HNF1A: variants seen among roughly 807,000 people sequenced by gnomAD.
HNF1A encodes the protein hepatocyte nuclear factor 1-alpha.
In HNF1A, 21 loss-of-function variants were observed where a neutral mutation model predicts 62.2. That is an observed-to-expected ratio of 0.34 (90% confidence interval 0.24 to 0.49). HNF1A has a LOEUF of 0.49. Among genes scored for constraint, HNF1A ranks in the 20% least tolerant of loss-of-function variants. HNF1A has a pLI of 0.99. For missense variants in HNF1A, 687 were observed against 832.3 expected, an observed-to-expected ratio of 0.83 and a Z score of 2.15; for synonymous variants, 374 against 366.8, an observed-to-expected ratio of 1.02 and a Z score of -0.22.
intron 9 of HNF1A, among the ~76,000 whole-genome samples, chr12:120,999,995 C>T (rs991829820): frequency 3.3e-5 from 5 of 152,178 alleles, no homozygotes; most frequent in African/African-American, 1.2e-4. Context: ...AATTTGTTGC[C>T]AACATTTCAA....
chr12:120,991,032 T>C (rs1201082410), intron 2 of HNF1A, among the ~76,000 whole-genome samples: 1 of 152,224 alleles, frequency 6.6e-6, no homozygotes, highest in African/African-American at 2.4e-5. Flanking sequence ...TAAGGGCTGC[T>C]GGCTGTTATT....
chr12:120,984,945 C>CT (rs34738791), intron 1 of HNF1A, among the ~76,000 whole-genome samples: 79,131 of 130,634 alleles, frequency 0.61, 24,323 homozygotes, highest in African/African-American at 0.66. Flanking sequence ...AGTTCTCAGA[C>CT]TTTTTTTTTT....
chr12:121,000,867 C>T (rs1282039577), intron 9 of HNF1A, 198 bp from the exon 10 acceptor site: 2 of 677,008 alleles, frequency 3.0e-6, no homozygotes, highest in South Asian at 3.4e-5. Flanking sequence ...TCAGGCCACT[C>T]CATGGGCGGC....
chr12:120,997,379 G>A, intron 6 of HNF1A, 95 bp from the exon 7 acceptor site: 2 of 1,406,202 alleles, frequency 1.4e-6, no homozygotes, highest in Non-Finnish European at 1.9e-6. Context: ...CCAAACCACG[G>A]GCTCTGGGAA....
intron 2 of HNF1A, 27 bp from the exon 3 acceptor site, chr12:120,993,493 C>T (rs1876928791): frequency 1.2e-6 from 2 of 1,610,530 alleles, no homozygotes; most frequent in Non-Finnish European, 1.7e-6. Context: ...TGGCCAGTAC[C>T]CCACTCACGG....
rs1877544095 is a variant in HNF1A at position 121,002,193 on chromosome 12, C to A, written c.*1001C>A. The A allele has an allele frequency of 2.2e-6, 1 of 463,624 alleles. No individual in the cohort carries two copies. Among genetic ancestry groups the A allele is most frequent in the Non-Finnish European group, 4.1e-6 (1 of 242,706 alleles). 28.7% of individuals were successfully genotyped at this position (463,624 alleles called of 1,614,324 possible). The stretch of plus-strand genomic sequence containing the variant: ...GGAGAAGAAAGAGGTGACCCCAGGG[C>A]ACAGGAGCTACCTGTGTGGACAGGA... On this transcript the variant is annotated 3_prime_UTR_variant, in exon 10 of 10. Transcript: ENST00000257555.
rs201770880 is a variant in HNF1A, at chr12:121,001,084, G to A, written c.1788G>A (p.Val596=). Reference sequence around the variant, plus strand: ...CTGCAGTGTCCTCCAGCAGCCTGGTGCTGTACCAGAGCTCAGACTCCAGCA... The same window carrying A: ...CTGCAGTGTCCTCCAGCAGCCTGGTACTGTACCAGAGCTCAGACTCCAGCA... The part of the protein sequence containing the change: ...ASPTVSSSSL[V]LYQSSDSSNG... Residue 596 remains valine, a synonymous_variant, in exon 10 of 10, where the codon GTG becomes GTA. Transcript: ENST00000257555. 6.2e-6 allele frequency: 10 copies of A among 1,613,640 alleles called. No individual in the cohort carries two copies. In the East Asian group the frequency reaches 2.2e-4, roughly 36 times the overall value.
At chr12:120,990,653 T>TAGGAAAGGGAGGAAAGGTAGGAAAGGG (rs1565884533) in intron 2 of HNF1A, among the ~76,000 whole-genome samples, 2 of 82,840 alleles carry the variant, frequency 2.4e-5, no homozygotes, top group African/African-American at 5.4e-5. Flanking sequence ...GGAGGAAAGG[T>TAGGAAAGGGAGGAAAGGTAGGAAAGGG]AGGAAAGGGA....
In HNF1A at chr12:121,002,131, G is replaced by C. The variant is rs751401246; in HGVS notation, c.*939G>C. On this transcript the variant is annotated 3_prime_UTR_variant, in exon 10 of 10. Coordinates refer to ENST00000257555, the MANE Select transcript of HNF1A (RefSeq NM_000545.8). ...ACAAGGCAGCAAGGCCCGAGCAGCT[G>C]AGCAGGGCCGGGGAACTGGCCAAGC... 6 of 525,202 alleles carry C rather than the reference G, an allele frequency of 1.1e-5. No individual in the cohort carries two copies. The highest frequency in any genetic ancestry group is 2.2e-5 in the Non-Finnish European group (6 of 271,144). 32.5% of individuals were successfully genotyped at this position (525,202 alleles called of 1,614,324 possible). A position where few individuals can be genotyped will look rare whatever the true frequency, so the allele number is the denominator to read the frequency against.
At chr12:120,990,228 G>A (rs1010228106) in intron 2 of HNF1A, among the ~76,000 whole-genome samples, 9 of 151,842 alleles carry the variant, frequency 5.9e-5, no homozygotes, top group Non-Finnish European at 1.2e-4. Flanking sequence ...TGCAAGCTCC[G>A]CCTTCCGGGT....
intron 1 of HNF1A, among the ~76,000 whole-genome samples, chr12:120,983,021 T>A (rs1402627041): frequency 6.6e-6 from 1 of 152,146 alleles, no homozygotes; most frequent in Non-Finnish European, 1.5e-5. Context: ...AAGCAAAGAA[T>A]CAAGGCCAGG....
At chr12:120,983,087 A>C (rs756844125) in intron 1 of HNF1A, among the ~76,000 whole-genome samples, 13 of 152,334 alleles carry the variant, frequency 8.5e-5, no homozygotes, top group Non-Finnish European at 1.6e-4. Flanking sequence ...GATGAATACC[A>C]CAACCTTGCA....
At chr12:120,997,359 G>GC (rs1476555999) in intron 6 of HNF1A, 115 bp from the exon 7 acceptor site, 1 of 1,352,386 alleles carries the variant, frequency 7.4e-7, no homozygotes, top group African/African-American at 1.5e-5. Context: ...TGACCACCCT[G>GC]CCCCCTCCTC....
At chr12:120,997,335 G>T in intron 6 of HNF1A, 139 bp from the exon 7 acceptor site, 2 of 1,327,860 alleles carry the variant, frequency 1.5e-6, no homozygotes, top group South Asian at 3.1e-5. Flanking sequence ...AGGTCCCAGT[G>T]GAGGGCTGTT....
intron 3 of HNF1A, 55 bp from the exon 4 acceptor site, chr12:120,994,109 A>T (rs2135840789): frequency 6.3e-7 from 1 of 1,594,562 alleles, no homozygotes; most frequent in Non-Finnish European, 8.5e-7. Flanking sequence ...CTTCATGCCC[A>T]GGACAGGGTT....
chr12:120,984,367 A>G (rs10849827), intron 1 of HNF1A, among the ~76,000 whole-genome samples: 10,271 of 152,112 alleles, frequency 0.068, 734 homozygotes, highest in East Asian at 0.25. Context: ...AGAGAAAGAA[A>G]CAGACAGACA....
chr12:120,983,045 C>A (rs1344743810), intron 1 of HNF1A, among the ~76,000 whole-genome samples: 1 of 152,240 alleles, frequency 6.6e-6, no homozygotes, highest in Non-Finnish European at 1.5e-5. Flanking sequence ...AAAGCCCCCA[C>A]ACTGAGAAGT....
At chr12:120,989,974 G>A (rs1876729017) in intron 2 of HNF1A, among the ~76,000 whole-genome samples, 1 of 152,022 alleles carries the variant, frequency 6.6e-6, no homozygotes, top group African/African-American at 2.4e-5. Flanking sequence ...ATCCTCCACT[G>A]CAAACTCAGG....
At position 120,996,217 on chromosome 12, in the gene HNF1A, G is replaced by A; in HGVS notation, c.956-45G>A. The A allele has an allele frequency of 3.7e-6, 6 of 1,610,580 alleles. No individual in the cohort carries two copies. The highest frequency in any genetic ancestry group is 5.1e-6 in the Non-Finnish European group (6 of 1,178,300). Reference sequence around the variant, plus strand: ...CTGAGGGCTGTGGAGGCAGGGGAGGGCAGGGAAGTGGGGTGCTGAGGCAGG... The same window carrying A: ...CTGAGGGCTGTGGAGGCAGGGGAGGACAGGGAAGTGGGGTGCTGAGGCAGG... On this transcript the variant is annotated intron_variant, in intron 4 of 9. Transcript: ENST00000257555. This position sits in a 1 kb window ranked among gnomAD's most constrained non-coding sequence, Gnocchi z 4.5.
Sources: gnomAD v4.1 joint callset for allele counts (sites outside exome capture counted in the v4.1 genomes callset) on GRCh38, gnomAD v4.1.1 for gene constraint, Gnocchi (gnomAD v3.1) non-coding constraint, MANE v1.5 for transcripts, NCBI Gene and HGNC (gene_info 2026-07-23, HGNC 2026-07-21) for gene names.